PCDHGA1: variants seen among roughly 807,000 people sequenced by gnomAD.
PCDHGA1 encodes the protein protocadherin gamma-A1.
In PCDHGA1, 32 loss-of-function variants were observed where a neutral mutation model predicts 58.0. That is an observed-to-expected ratio of 0.55 (90% CI 0.42 to 0.74). The LOEUF (loss-of-function observed/expected upper bound fraction) is 0.74. PCDHGA1 is among the 30% of genes least tolerant of loss of function. PCDHGA1 has a pLI of 0.00. For missense variants in PCDHGA1, 1,205 were observed against 1,182.3 expected, an observed-to-expected ratio of 1.02 and a Z score of -0.28; for synonymous variants, 498 against 501.1, an observed-to-expected ratio of 0.99 and a Z score of 0.08.
chr5:141,373,897 C>T, intron 1 of PCDHGA1: 1 of 537,056 alleles, frequency 1.9e-6, no homozygotes, highest in Non-Finnish European at 3.1e-6. Flanking sequence ...ACTCAAGTTA[C>T]ATCCTCCAAC....
chr5:141,358,709 G>A (rs970952613), intron 1 of PCDHGA1, among the ~76,000 whole-genome samples: 1 of 152,222 alleles, frequency 6.6e-6, no homozygotes, highest in African/African-American at 2.4e-5. Context: ...AGACTTTCTT[G>A]ATTTCCAAGG....
intron 2 of PCDHGA1, among the ~76,000 whole-genome samples, chr5:141,498,944 A>G (rs1249475504): frequency 7.2e-6 from 1 of 139,096 alleles, no homozygotes; most frequent in Non-Finnish European, 1.6e-5. Flanking sequence ...AAAGAAAGAA[A>G]GAAAAAGAGA....
chr5:141,508,723 G>A (rs941469412), intron 3 of PCDHGA1, among the ~76,000 whole-genome samples: 2 of 151,814 alleles, frequency 1.3e-5, no homozygotes, highest in African/African-American at 4.8e-5. Context: ...TGTGTGCAGG[G>A]AGACTACACC....
At chr5:141,352,603 T>C in intron 1 of PCDHGA1, 1 of 1,613,760 alleles carries the variant, frequency 6.2e-7, no homozygotes, top group African/African-American at 1.3e-5. Flanking sequence ...GTGATGATCC[T>C]TCTATGGTTG....
At chr5:141,415,653 G>T in intron 1 of PCDHGA1, 1 of 1,539,362 alleles carries the variant, frequency 6.5e-7, no homozygotes, top group Non-Finnish European at 8.8e-7. Context: ...AAAAAAAAAA[G>T]ATTGGTTTTT....
intron 1 of PCDHGA1, chr5:141,478,633 T>C: frequency 6.4e-7 from 1 of 1,553,032 alleles, no homozygotes; most frequent in Non-Finnish European, 8.7e-7. Context: ...GTTTTTTTAG[T>C]GATGAAGATG....
chr5:141,420,047 G>C (rs1242042066), intron 1 of PCDHGA1: 1 of 1,613,958 alleles, frequency 6.2e-7, no homozygotes, highest in East Asian at 2.2e-5. Flanking sequence ...CTTTGAGTCA[G>C]TTCTCTGCTC....
intron 1 of PCDHGA1, chr5:141,415,006 C>A (rs1353721901): frequency 6.2e-7 from 1 of 1,613,652 alleles, no homozygotes; most frequent in Non-Finnish European, 8.5e-7. Context: ...GCTGTCCTAC[C>A]GTCTGCTCAA....
intron 1 of PCDHGA1, among the ~76,000 whole-genome samples, chr5:141,363,049 C>G (rs1004145167): frequency 2.6e-5 from 4 of 152,206 alleles, no homozygotes; most frequent in Admixed American, 1.3e-4. Flanking sequence ...AAGACCAACA[C>G]TCAGTAAGCT....
At chr5:141,417,826 A>T in intron 1 of PCDHGA1, 1 of 1,519,618 alleles carries the variant, frequency 6.6e-7, no homozygotes. Flanking sequence ...CTCCAACTGG[A>T]AAAGCGGGGA....
intron 1 of PCDHGA1, chr5:141,384,001 CT>C (rs752837795): frequency 6.2e-7 from 1 of 1,613,828 alleles, no homozygotes; most frequent in South Asian, 1.1e-5. Context: ...AGTCATTGCT[CT>C]TTTCTACCTA....
In PCDHGA1 at chr5:141,346,547, G is replaced by A. The variant is rs1303043494; in HGVS notation, c.2421+13442G>A. ...AACACATATGTATTTGAGAAATAAA[G>A]CCATGAGGTTGTCATTAGTCCTTTG... On this transcript the variant is annotated intron_variant, in intron 1 of 3. Coordinates refer to ENST00000517417, the MANE Select transcript of PCDHGA1 (RefSeq NM_018912.3). The A allele has an allele frequency of 6.5e-6, 10 of 1,533,448 alleles. 1 individual carries two copies. The South Asian group carries it at 1.3e-4, about 19-fold the overall frequency. The allele number at this position is 1,533,448 out of a possible 1,614,324, so 95.0% of individuals were successfully genotyped here.
At position 141,332,019 on chromosome 5, in the gene PCDHGA1, CA is replaced by C; in HGVS notation, c.1337del (p.Asn446MetfsTer29). 1 of 1,614,158 alleles carries C rather than the reference CA, an allele frequency of 6.2e-7. No homozygotes were observed. Among genetic ancestry groups the C allele is most frequent in the Non-Finnish European group, 8.5e-7 (1 of 1,180,022 alleles). The stretch of plus-strand genomic sequence containing the variant: ...ACATTTCACTACTAGTGACAGATAT[CA>C]ATGACAACTCCCCAGTCTTCCATCA... ...THISLLVTDI[N>X]DNSPVFHQDS... On this transcript the variant is annotated frameshift_variant, in exon 1 of 4. Transcript: ENST00000517417. LOFTEE classifies it high-confidence loss of function. The surrounding 1 kb of genome is among the most constrained non-coding windows in gnomAD (Gnocchi z 4.6).
At chr5:141,399,434 T>C (rs937697147) in intron 1 of PCDHGA1, 1 of 1,614,008 alleles carries the variant, frequency 6.2e-7, no homozygotes. Flanking sequence ...AGCGTCATCC[T>C]ACATATCAGA....
chr5:141,341,207 G>A (rs1757033018), intron 1 of PCDHGA1: 4 of 1,614,118 alleles, frequency 2.5e-6, no homozygotes, highest in Admixed American at 3.3e-5. Context: ...CGTGGACGGG[G>A]TTCGGGCTTT....
At position 141,486,230 on chromosome 5, in the gene PCDHGA1, A is replaced by G. The variant is rs1463946178; in HGVS notation, c.2422-8577A>G. ...TGACAATGCCCCTTACATCACAGTG[A>G]CCTCAGAGCTTGGAACCCTCCCCGA... On this transcript the variant is annotated intron_variant, in intron 1 of 3. Coordinates refer to ENST00000517417, the MANE Select transcript of PCDHGA1 (RefSeq NM_018912.3). This position sits in a 1 kb window ranked among gnomAD's most constrained non-coding sequence, Gnocchi z 5.0. 2 of 1,613,898 alleles carry G rather than the reference A, an allele frequency of 1.2e-6. No individual in the cohort carries two copies. The highest frequency in any genetic ancestry group is 2.2e-5 in the East Asian group (1 of 44,878).
At position 141,490,840 on chromosome 5, in the gene PCDHGA1, G is replaced by C. The variant is rs1177428192; in HGVS notation, c.2422-3967G>C. On this transcript the variant is annotated intron_variant, in intron 1 of 3. Transcript: ENST00000517417. This position sits in a 1 kb window ranked among gnomAD's most constrained non-coding sequence, Gnocchi z 5.4. Reference sequence around the variant, plus strand: ...ATTGCTGCAGATGCTGCAGATTGTGGTGGGGGTTCGAGACTCCGGCTCTCC... The same window carrying C: ...ATTGCTGCAGATGCTGCAGATTGTGCTGGGGGTTCGAGACTCCGGCTCTCC... 2 of 1,613,900 alleles carry C rather than the reference G, an allele frequency of 1.2e-6. No homozygotes were observed. Among genetic ancestry groups the C allele is most frequent in the Middle Eastern group, 3.3e-4 (2 of 6,058 alleles).
rs775254727 is a variant in PCDHGA1 at position 141,352,609 on chromosome 5, G to A, written c.2421+19504G>A. 1.4e-5 allele frequency: 22 copies of A among 1,613,342 alleles called. No homozygotes were observed. The African/African-American group carries it at 2.8e-4, about 21-fold the overall frequency. On this transcript the variant is annotated intron_variant, in intron 1 of 3. Transcript: ENST00000517417. ...ATCTGCTGTGTGATGATCCTTCTAT[G>A]GTTGTATGTGCCAGTAATGAAGATC...
chr5:141,487,404 C>A lies in PCDHGA1; in HGVS notation c.2422-7403C>A, dbSNP rs771371344. 1.2e-6 allele frequency: 2 copies of A among 1,614,178 alleles called. No homozygotes were observed. Among genetic ancestry groups the A allele is most frequent in the Non-Finnish European group, 1.7e-6 (2 of 1,180,032 alleles). ...AGATCTCGAAGGAGGGAGGGGCTTC[C>A]CCCTTCCAATGGGATCCTCCGAATC... is the stretch of plus-strand genomic sequence containing the variant. On this transcript the variant is annotated intron_variant, in intron 1 of 3. Coordinates refer to ENST00000517417, the MANE Select transcript of PCDHGA1 (RefSeq NM_018912.3). The surrounding 1 kb of genome is among the most constrained non-coding windows in gnomAD (Gnocchi z 5.0).
Sources: gnomAD v4.1 joint callset for allele counts (sites outside exome capture counted in the v4.1 genomes callset) on GRCh38, gnomAD v4.1.1 for gene constraint, Gnocchi (gnomAD v3.1) non-coding constraint, MANE v1.5 for transcripts, NCBI Gene and HGNC (gene_info 2026-07-23, HGNC 2026-07-21) for gene names.